The following TG variants were observed in gnomAD, a reference collection of about 807,000 sequenced individuals.
TG encodes the protein thyroid hormones.
TG carries 270 observed loss-of-function variants against 324.7 expected under a neutral mutation model. The observed-to-expected ratio is 0.83, with a 90% confidence interval of 0.75 to 0.92. The LOEUF is 0.92. Ranked by LOEUF, TG falls within the 40% of genes least tolerant of loss-of-function variation. TG has a pLI of 0.00. For synonymous variants in TG, 1,401 were observed against 1,327.0 expected, an observed-to-expected ratio of 1.06 and a Z score of -1.21; for missense variants, 3,591 against 3,456.4, an observed-to-expected ratio of 1.04 and a Z score of -0.98.
At chr8:133,016,938 G>A (rs1429173598) in intron 37 of TG, among the ~76,000 whole-genome samples, 1 of 152,246 alleles carries the variant, frequency 6.6e-6, no homozygotes, top group Non-Finnish European at 1.5e-5. Flanking sequence ...CATGGCAGGC[G>A]GCACCAGTGT....
chr8:132,982,235 C>T (rs538900625), intron 34 of TG, among the ~76,000 whole-genome samples: 2 of 152,136 alleles, frequency 1.3e-5, no homozygotes, highest in Non-Finnish European at 2.9e-5. Context: ...AGTTACACAG[C>T]AGAAAAGTGG....
intron 27 of TG, among the ~76,000 whole-genome samples, chr8:132,958,302 A>T (rs1053916526): frequency 6.6e-6 from 1 of 152,224 alleles, no homozygotes; most frequent in African/African-American, 2.4e-5. Context: ...TATATAGGTT[A>T]TATCTATAGC....
At chr8:132,900,598 C>T (rs1817779690) in intron 15 of TG, among the ~76,000 whole-genome samples, 1 of 152,208 alleles carries the variant, frequency 6.6e-6, no homozygotes, top group Non-Finnish European at 1.5e-5. Flanking sequence ...CAGCATTGAT[C>T]CCCATCAAAG....
rs574353205 is a variant in TG at position 133,090,433 on chromosome 8, A to T, written c.7240-4611A>T. Among the ~76,000 whole-genome samples the T allele has an allele frequency of 2.2e-4, 34 of 152,346 alleles. No homozygotes were observed. The South Asian group carries it at 6.0e-3, about 27-fold the overall frequency. Reference sequence around the variant, plus strand: ...AGGACATAAATCAAGAGAGTGAGCAAAAAAGCACCTTGGCCCGTGTGTGGT... The same window carrying T: ...AGGACATAAATCAAGAGAGTGAGCATAAAAGCACCTTGGCCCGTGTGTGGT... On this transcript the variant is annotated intron_variant, in intron 41 of 47. Coordinates refer to ENST00000220616, the MANE Select transcript of TG (RefSeq NM_003235.5).
At chr8:132,970,220 A>T (rs1829311725) in intron 32 of TG, among the ~76,000 whole-genome samples, 1 of 152,084 alleles carries the variant, frequency 6.6e-6, no homozygotes, top group Admixed American at 6.5e-5. Flanking sequence ...TTTTATTTTT[A>T]AAATTTATTT....
chr8:132,991,868 T>C (rs1035318744), intron 35 of TG, among the ~76,000 whole-genome samples: 1 of 152,114 alleles, frequency 6.6e-6, no homozygotes, highest in African/African-American at 2.4e-5. Context: ...ACCTCTTCTC[T>C]GTCTCTCTGA....
intron 26 of TG, among the ~76,000 whole-genome samples, chr8:132,945,837 A>T (rs1825187891): frequency 6.6e-6 from 1 of 152,194 alleles, no homozygotes; most frequent in South Asian, 2.1e-4. Flanking sequence ...AGTGCTGCTG[A>T]GAGTTCAAAC....
In TG at chr8:132,972,659, T is replaced by A; in HGVS notation, c.6117T>A (p.Asn2039Lys). ...GAATTCAGATGTGCAGTGAGGAGAA[T>A]GGAGGAGCCTGGCGCATTTTGGACT... ...SLGIQMCSEE[N>K]GGAWRILDCG... The change falls in exon 34 of 48, where the codon AAT becomes AAA. Residue 2039 changes from asparagine (N) to lysine (K), a missense_variant. By Grantham distance (94) the Asn-to-Lys change is moderately conservative. Transcript: ENST00000220616. 6.2e-7 allele frequency: 1 copy of A among 1,611,106 alleles called. No individual in the cohort carries two copies. The highest frequency in any genetic ancestry group is 1.4e-5 in the African/African-American group (1 of 73,964).
At chr8:132,966,867 G>A (rs1223624007) in intron 30 of TG, among the ~76,000 whole-genome samples, 170 bp downstream of exon 30, 1 of 152,080 alleles carries the variant, frequency 6.6e-6, no homozygotes, top group Non-Finnish European at 1.5e-5. Context: ...TCTTCAAGAA[G>A]GTTACAGTGT....
chr8:132,882,908 G>A lies in TG; in HGVS notation c.984G>A (p.Val328=), dbSNP rs761777808. 1.2e-6 allele frequency: 2 copies of A among 1,614,240 alleles called. No individual in the cohort carries two copies. The highest frequency in any genetic ancestry group is 2.2e-5 in the East Asian group (1 of 44,880). The change falls in exon 8 of 48, where the codon GTG becomes GTA. Residue 328 remains valine, a synonymous_variant. Transcript: ENST00000220616. ...GCCGAAATGGCGACTATCAGGCGGT[G>A]CAGTGCCAGACGGAAGGGCCCTGCT... is the stretch of plus-strand genomic sequence containing the variant. ...SCRRNGDYQA[V]QCQTEGPCWC...
intron 34 of TG, among the ~76,000 whole-genome samples, 163 bp from the exon 35 acceptor site, chr8:132,983,187 C>T (rs1040778286): frequency 1.3e-5 from 2 of 152,110 alleles, no homozygotes; most frequent in Non-Finnish European, 2.9e-5. Context: ...TGTTTGTTAG[C>T]TCAGCATCAT....
intron 41 of TG, among the ~76,000 whole-genome samples, chr8:133,091,101 T>C (rs1327616901): frequency 6.6e-6 from 1 of 152,260 alleles, no homozygotes; most frequent in African/African-American, 2.4e-5. Context: ...GGTGAGCTTC[T>C]ACACGTACAG....
chr8:133,025,440 G>C (rs1209187664), intron 40 of TG, among the ~76,000 whole-genome samples: 3 of 152,200 alleles, frequency 2.0e-5, no homozygotes, highest in African/African-American at 7.2e-5. Flanking sequence ...CCTGTTTTAA[G>C]TTTATAGAAA....
chr8:133,119,227 G>A (rs561105611), intron 45 of TG, among the ~76,000 whole-genome samples: 6 of 152,194 alleles, frequency 3.9e-5, no homozygotes, highest in Non-Finnish European at 5.9e-5. Flanking sequence ...TCATTTCCCC[G>A]GAGCACCCAT....
intron 23 of TG, among the ~76,000 whole-genome samples, chr8:132,932,142 T>A (rs1822816731): frequency 6.6e-6 from 1 of 151,994 alleles, no homozygotes; most frequent in Non-Finnish European, 1.5e-5. Flanking sequence ...GTGTTCTGAA[T>A]AAGCCACACA....
At position 132,981,185 on chromosome 8, in the gene TG, G is replaced by A. The variant is rs188874333; in HGVS notation, c.6200-2165G>A. On this transcript the variant is annotated intron_variant, in intron 34 of 47. Coordinates refer to ENST00000220616, the MANE Select transcript of TG (RefSeq NM_003235.5). The stretch of plus-strand genomic sequence containing the variant: ...GGGTGTGAAAGGAAAGTAAAGCAAC[G>A]CAGCAGACTGTGTGGCAAATGCTCT... 3.6e-3 allele frequency among the ~76,000 whole-genome samples: 541 copies of A among 152,292 alleles called. 4 individuals are homozygous for A. The highest frequency in any genetic ancestry group is 0.027 in the Middle Eastern group (8 of 294).
chr8:132,934,645 A>G (rs1369454024), intron 24 of TG, among the ~76,000 whole-genome samples: 1 of 152,178 alleles, frequency 6.6e-6, no homozygotes, highest in Non-Finnish European at 1.5e-5. Context: ...TTGCCTCTTC[A>G]GTGAGTTCAG....
intron 43 of TG, among the ~76,000 whole-genome samples, chr8:133,112,275 C>G (rs1174899017): frequency 6.6e-6 from 1 of 152,266 alleles, no homozygotes; most frequent in Non-Finnish European, 1.5e-5. Context: ...GCAATTTAAA[C>G]ACACCAGAGT....
At position 132,886,853 on chromosome 8, in the gene TG, C is replaced by CATTTAA; in HGVS notation, c.1482_1487dup (p.Phe495_Asn496insLysPhe). The CATTTAA allele has an allele frequency of 6.2e-7, 1 of 1,614,162 alleles. No individual in the cohort carries two copies. Among genetic ancestry groups the CATTTAA allele is most frequent in the South Asian group, 1.1e-5 (1 of 91,072 alleles). On this transcript the variant is annotated inframe_insertion, in exon 9 of 48. Coordinates refer to ENST00000220616, the MANE Select transcript of TG (RefSeq NM_003235.5). ...TCTGGAGCCCTTGGCACAAGAGGCACATTTAACTTCAGTCAATTTTTCCAG... is the reference window on the plus strand; with the variant it reads ...TCTGGAGCCCTTGGCACAAGAGGCACATTTAAATTTAACTTCAGTCAATTTTTCCAG...
Sources: allele counts gnomAD v4.1 joint callset (sites outside exome capture counted in the v4.1 genomes callset), GRCh38; gene constraint gnomAD v4.1.1; transcripts MANE v1.5; gene names NCBI Gene and HGNC (gene_info 2026-07-23, HGNC 2026-07-21).